Variants in BABAM2 observed in about 807,000 individuals in gnomAD.
The protein encoded by BABAM2 is BRISC and BRCA1-A complex member 2.
In BABAM2, 31 loss-of-function variants were observed where a neutral mutation model predicts 54.7. The ratio of observed to expected loss-of-function variants is 0.57; its 90% CI spans 0.43 to 0.77. BABAM2 has a LOEUF of 0.77. Ranked by LOEUF, BABAM2 falls within the 30% of genes least tolerant of loss-of-function variation. The pLI is 0.00. For synonymous variants in BABAM2, 167 were observed against 162.9 expected (o/e 1.03, Z -0.19); for missense variants, 364 against 455.8 (o/e 0.80, Z 1.83).
intron 11 of BABAM2, among the ~76,000 whole-genome samples, chr2:28,323,259 G>A (rs1434858528): frequency 2.0e-5 from 3 of 152,202 alleles, no homozygotes; most frequent in African/African-American, 7.2e-5. Context: ...AGGAACATGA[G>A]CAGGATGGAT....
At chr2:28,190,704 C>T (rs376839430) in intron 7 of BABAM2, among the ~76,000 whole-genome samples, 8 of 151,768 alleles carry the variant, frequency 5.3e-5, no homozygotes, top group Admixed American at 3.3e-4. Context: ...AAGGGGGGGG[C>T]GGTGCTGTAA....
intron 10 of BABAM2, among the ~76,000 whole-genome samples, chr2:28,278,939 C>T (rs142393071): frequency 2.0e-5 from 3 of 152,306 alleles, no homozygotes; most frequent in East Asian, 3.9e-4. Context: ...TTAGAGTAGG[C>T]GGAAGCCAGA....
At chr2:27,981,949 A>G (rs1192757241) in intron 3 of BABAM2, among the ~76,000 whole-genome samples, 1 of 152,112 alleles carries the variant, frequency 6.6e-6, no homozygotes, top group East Asian at 1.9e-4. Context: ...TTCAAAAGTG[A>G]CTGCACCATT....
chr2:28,202,967 C>G (rs750645189), intron 7 of BABAM2, among the ~76,000 whole-genome samples: 2 of 152,272 alleles, frequency 1.3e-5, no homozygotes, highest in African/African-American at 2.4e-5. Flanking sequence ...TCCACCCCCC[C>G]ACAGAAAGAA....
intron 7 of BABAM2, among the ~76,000 whole-genome samples, chr2:28,213,835 C>CT (rs1237410294): frequency 4.0e-5 from 6 of 151,116 alleles, no homozygotes; most frequent in African/African-American, 1.2e-4. Context: ...TAAAAAGCCA[C>CT]TTTTTTTATC....
At chr2:28,336,167 C>G (rs1228378198) in intron 11 of BABAM2, among the ~76,000 whole-genome samples, 14 of 152,136 alleles carry the variant, frequency 9.2e-5, no homozygotes, top group Non-Finnish European at 2.1e-4. Context: ...AGGGGAGAAG[C>G]AGCTTCTGCA....
intron 3 of BABAM2, among the ~76,000 whole-genome samples, chr2:27,964,249 C>G (rs1353726217): frequency 6.6e-6 from 1 of 152,172 alleles, no homozygotes; most frequent in African/African-American, 2.4e-5. Flanking sequence ...GAGGCCCTCA[C>G]TAGAAGCTAC....
chr2:28,297,342 C>A (rs1234523717), intron 10 of BABAM2, among the ~76,000 whole-genome samples: 1 of 152,126 alleles, frequency 6.6e-6, no homozygotes, highest in Non-Finnish European at 1.5e-5. Flanking sequence ...TATAAAGATA[C>A]CCTGTAAATC....
At chr2:28,113,418 A>G (rs532617045) in intron 6 of BABAM2, among the ~76,000 whole-genome samples, 5 of 152,204 alleles carry the variant, frequency 3.3e-5, no homozygotes, top group Admixed American at 3.3e-4. Context: ...TCTTTTCCCC[A>G]TTGCTTGTTT....
intron 10 of BABAM2, 56 bp downstream of exon 10, chr2:28,244,918 A>C (rs1682777551): frequency 6.8e-7 from 1 of 1,465,102 alleles, no homozygotes; most frequent in African/African-American, 1.4e-5. Context: ...GTCCTAAACC[A>C]CATGTAATAA....
intron 4 of BABAM2, among the ~76,000 whole-genome samples, chr2:28,002,236 G>A (rs1365834988): frequency 6.6e-6 from 1 of 152,094 alleles, no homozygotes; most frequent in East Asian, 1.9e-4. Flanking sequence ...GTACTTCTAG[G>A]TGAACATCAC....
intron 5 of BABAM2, among the ~76,000 whole-genome samples, chr2:28,035,381 T>C (rs1251950309): frequency 6.6e-6 from 1 of 152,146 alleles, no homozygotes; most frequent in African/African-American, 2.4e-5. Flanking sequence ...TAGTAGGTGC[T>C]CTGGTCATGC....
chr2:28,129,250 T>G (rs1287555629), intron 6 of BABAM2, 21 bp from the exon 7 acceptor site: 1 of 1,586,404 alleles, frequency 6.3e-7, no homozygotes, highest in Non-Finnish European at 8.7e-7. Flanking sequence ...GCTGATGTTG[T>G]GTTTTCACTT....
At chr2:28,057,971 G>A (rs1220504993) in intron 6 of BABAM2, among the ~76,000 whole-genome samples, 1 of 151,972 alleles carries the variant, frequency 6.6e-6, no homozygotes, top group Non-Finnish European at 1.5e-5. Context: ...GTGAAACCCC[G>A]TCTCTACTGA....
chr2:28,331,317 A>C (rs1025240317), intron 11 of BABAM2, among the ~76,000 whole-genome samples: 1 of 152,238 alleles, frequency 6.6e-6, no homozygotes, highest in Non-Finnish European at 1.5e-5. Context: ...AAAATTGACA[A>C]ATGGGATCTA....
At chr2:28,044,253 G>C (rs1281207826) in intron 5 of BABAM2, among the ~76,000 whole-genome samples, 1 of 152,102 alleles carries the variant, frequency 6.6e-6, no homozygotes, top group Non-Finnish European at 1.5e-5. Context: ...TTTTGAGACG[G>C]AGTTTCGCTC....
intron 3 of BABAM2, among the ~76,000 whole-genome samples, chr2:27,958,715 T>G (rs1670265898): frequency 6.6e-6 from 1 of 152,128 alleles, no homozygotes; most frequent in Admixed American, 6.6e-5. Context: ...ACCTTTAGCT[T>G]CTTGCCTAAC....
intron 7 of BABAM2, among the ~76,000 whole-genome samples, chr2:28,208,941 G>A (rs551739274): frequency 9.3e-4 from 142 of 152,226 alleles, no homozygotes; most frequent in Non-Finnish European, 1.5e-3. Flanking sequence ...TTGGAAATTG[G>A]AAGCATGGGC....
chr2:27,992,410 T>G (rs925705393), intron 4 of BABAM2, among the ~76,000 whole-genome samples: 1 of 152,176 alleles, frequency 6.6e-6, no homozygotes, highest in Admixed American at 6.5e-5. Flanking sequence ...GGCTCATGAC[T>G]TGTAATCCTA....
Sources: allele counts gnomAD v4.1 joint callset (sites outside exome capture counted in the v4.1 genomes callset), GRCh38; gene constraint gnomAD v4.1.1; transcripts MANE v1.5; gene names NCBI Gene and HGNC (gene_info 2026-07-23, HGNC 2026-07-21).